DENND1B: variants seen among roughly 807,000 people sequenced by gnomAD.
The protein encoded by DENND1B is DENN domain-containing protein 1B.
DENND1B carries 59 observed loss-of-function variants against 90.1 expected under a neutral mutation model. The ratio of observed to expected loss-of-function variants is 0.65; its 90% CI spans 0.53 to 0.81. The LOEUF is 0.81. Ranked by LOEUF, DENND1B falls within the 40% of genes least tolerant of loss-of-function variation. DENND1B has a pLI of 0.00. For synonymous variants in DENND1B, 337 were observed against 324.6 expected (o/e 1.04, Z -0.41); for missense variants, 862 against 912.6 (o/e 0.94, Z 0.71).
At chr1:197,665,754 A>G (rs1654879221) in intron 5 of DENND1B, among the ~76,000 whole-genome samples, 1 of 152,122 alleles carries the variant, frequency 6.6e-6, no homozygotes, top group Admixed American at 6.5e-5. Flanking sequence ...TTTTTCTTTT[A>G]CAATTTTTGG....
intron 3 of DENND1B, among the ~76,000 whole-genome samples, chr1:197,677,227 C>T (rs896982641): frequency 1.4e-4 from 22 of 152,208 alleles, no homozygotes; most frequent in Middle Eastern, 3.4e-3. Flanking sequence ...CTCTTCCCTA[C>T]TCAGTAAGAT....
chr1:197,763,284 A>T (rs372132659), intron 2 of DENND1B, among the ~76,000 whole-genome samples: 269 of 152,170 alleles, frequency 1.8e-3, no homozygotes, highest in African/African-American at 6.2e-3. Flanking sequence ...TTTTATATAT[A>T]TTTTTTTATT....
At chr1:197,720,679 G>A (rs1661085753) in intron 2 of DENND1B, among the ~76,000 whole-genome samples, 2 of 152,236 alleles carry the variant, frequency 1.3e-5, no homozygotes, top group Admixed American at 6.5e-5. Flanking sequence ...CCTTGGCACA[G>A]ACTCCGGCAA....
chr1:197,718,979 G>C (rs557407187), intron 2 of DENND1B, among the ~76,000 whole-genome samples: 3 of 152,196 alleles, frequency 2.0e-5, no homozygotes, highest in East Asian at 3.9e-4. Flanking sequence ...TGAAAGTCAA[G>C]AGAAGAGGGT....
chr1:197,754,575 T>A (rs1654006772), intron 2 of DENND1B, among the ~76,000 whole-genome samples: 1 of 143,410 alleles, frequency 7.0e-6, no homozygotes, highest in South Asian at 2.2e-4. Context: ...TGAGAACCAC[T>A]TGAACCCAGG....
chr1:197,647,206 A>G, intron 7 of DENND1B, 92 bp from the exon 8 acceptor site: 7 of 677,538 alleles, frequency 1.0e-5, no homozygotes. Flanking sequence ...AAACCCATGT[A>G]GCCAAGTTAG....
At chr1:197,620,265 A>C (rs1442679206) in intron 10 of DENND1B, among the ~76,000 whole-genome samples, 1 of 151,342 alleles carries the variant, frequency 6.6e-6, no homozygotes, top group Non-Finnish European at 1.5e-5. Context: ...AAGTAAATAA[A>C]ATAAAACAAA....
intron 3 of DENND1B, among the ~76,000 whole-genome samples, chr1:197,692,721 T>G (rs1163886620): frequency 6.6e-6 from 1 of 151,788 alleles, no homozygotes; most frequent in East Asian, 1.9e-4. Context: ...TGTTTACCTC[T>G]TAAAAACCAA....
At chr1:197,755,760 A>G (rs904083571) in intron 2 of DENND1B, among the ~76,000 whole-genome samples, 28 of 152,198 alleles carry the variant, frequency 1.8e-4, no homozygotes, top group Non-Finnish European at 1.8e-4. Flanking sequence ...AGAGCAACTC[A>G]CATCTTCTGT....
intron 16 of DENND1B, chr1:197,552,476 G>A: frequency 1.0e-6 from 1 of 985,390 alleles, no homozygotes; most frequent in Non-Finnish European, 1.2e-6. Flanking sequence ...ATTTACACTA[G>A]AAGGATTAAT....
intron 10 of DENND1B, among the ~76,000 whole-genome samples, chr1:197,638,917 C>G (rs545412620): frequency 6.6e-6 from 1 of 151,666 alleles, no homozygotes; most frequent in Non-Finnish European, 1.5e-5. Context: ...CTCAAACATG[C>G]AAAAATATAA....
intron 2 of DENND1B, among the ~76,000 whole-genome samples, chr1:197,738,742 GCTCT>G (rs552189970): frequency 1.6e-4 from 24 of 152,216 alleles, no homozygotes; most frequent in African/African-American, 3.6e-4. Context: ...AACTGTATTT[GCTCT>G]CTCTCTAACA....
chr1:197,600,819 T>C (rs1676140514), intron 13 of DENND1B, among the ~76,000 whole-genome samples: 1 of 151,870 alleles, frequency 6.6e-6, no homozygotes, highest in African/African-American at 2.4e-5. Flanking sequence ...TGAAATCCCA[T>C]CCTCAGTGCA....
intron 2 of DENND1B, among the ~76,000 whole-genome samples, chr1:197,744,007 T>G (rs961482333): frequency 1.3e-5 from 2 of 152,240 alleles, no homozygotes; most frequent in African/African-American, 4.8e-5. Flanking sequence ...AGTTTTATCA[T>G]AAGATAGCAG....
chr1:197,770,866 ATATCTATAAATATATG>A (rs1376720861), intron 2 of DENND1B, among the ~76,000 whole-genome samples: 2 of 136,894 alleles, frequency 1.5e-5, no homozygotes, highest in African/African-American at 2.8e-5. Context: ...CTATAAATAT[ATATCTATAAATATATG>A]TATCTATAAA....
At chr1:197,740,762 C>T (rs530733254) in intron 2 of DENND1B, among the ~76,000 whole-genome samples, 1 of 152,224 alleles carries the variant, frequency 6.6e-6, no homozygotes, top group Non-Finnish European at 1.5e-5. Flanking sequence ...TCAGGCAGAA[C>T]TAAATTGCCA....
At chr1:197,679,168 T>A (rs79785253) in intron 3 of DENND1B, among the ~76,000 whole-genome samples, 2 of 151,760 alleles carry the variant, frequency 1.3e-5, no homozygotes, top group Non-Finnish European at 2.9e-5. Context: ...TTATAAAATA[T>A]AAATTTCAGA....
At chr1:197,752,886 T>C (rs974141388) in intron 2 of DENND1B, among the ~76,000 whole-genome samples, 8 of 152,050 alleles carry the variant, frequency 5.3e-5, no homozygotes, top group South Asian at 4.1e-4. Context: ...CATGCAGTGT[T>C]TGGTTTTCTG....
intron 15 of DENND1B, among the ~76,000 whole-genome samples, chr1:197,560,861 G>C (rs529166447): frequency 1.3e-5 from 2 of 151,812 alleles, no homozygotes; most frequent in East Asian, 3.9e-4. Context: ...TCCTTCAGTT[G>C]ACGATCTTTC....
Sources: gnomAD v4.1 joint callset for allele counts (sites outside exome capture counted in the v4.1 genomes callset) on GRCh38, gnomAD v4.1.1 for gene constraint, MANE v1.5 for transcripts, NCBI Gene and HGNC (gene_info 2026-07-23, HGNC 2026-07-21) for gene names.